Variants in RPA1 observed in about 807,000 individuals in gnomAD.
The protein encoded by RPA1 is replication protein A 70 kDa DNA-binding subunit.
In RPA1, 49 loss-of-function variants were observed where a neutral mutation model predicts 83.0. The ratio of observed to expected loss-of-function variants is 0.59; its 90% CI spans 0.47 to 0.75. The LOEUF (loss-of-function observed/expected upper bound fraction) is 0.75. Among genes scored for constraint, RPA1 ranks in the 30% least tolerant of loss-of-function variants. RPA1 has a pLI of 0.00. For synonymous variants in RPA1, 279 were observed against 281.8 expected (o/e 0.99, Z 0.10); for missense variants, 693 against 776.1 (o/e 0.89, Z 1.27).
rs1424957168 is a variant in RPA1 at position 1,884,888 on chromosome 17, ATCT to A, written c.1374+949_1374+951del. 2.6e-5 allele frequency among the ~76,000 whole-genome samples: 4 copies of A among 152,194 alleles called. No homozygotes were observed. The highest frequency in any genetic ancestry group is 4.8e-5 in the African/African-American group (2 of 41,450). ...AATGCTGACAATCATCTGAGTCGTAATCTTCTTGCTGGTGGGGGTTTGTTTCAG... is the reference window on the plus strand; with the variant it reads ...AATGCTGACAATCATCTGAGTCGTAATCTTGCTGGTGGGGGTTTGTTTCAG... On this transcript the variant is annotated intron_variant, in intron 13 of 16. Transcript: ENST00000254719. The surrounding 1 kb of genome is among the most constrained non-coding windows in gnomAD (Gnocchi z 4.1).
intron 1 of RPA1, among the ~76,000 whole-genome samples, chr17:1,838,558 G>A (rs1911911250): frequency 6.8e-6 from 1 of 147,674 alleles, no homozygotes; most frequent in Non-Finnish European, 1.5e-5. Context: ...AGCCAAGATC[G>A]CACCATTGCA....
intron 15 of RPA1, among the ~76,000 whole-genome samples, chr17:1,894,466 C>T (rs17339235): frequency 0.015 from 2,310 of 152,276 alleles, 68 homozygotes; most frequent in African/African-American, 0.052. Flanking sequence ...CGTGCCCAGC[C>T]TTAAAGTCTT....
intron 5 of RPA1, among the ~76,000 whole-genome samples, chr17:1,861,227 T>C (rs1912950699): frequency 6.6e-6 from 1 of 152,126 alleles, no homozygotes; most frequent in Non-Finnish European, 1.5e-5. Flanking sequence ...TGCTACTCTG[T>C]CCGGCCAGCT....
chr17:1,893,254 G>T (rs1348261256), intron 15 of RPA1, among the ~76,000 whole-genome samples: 2 of 152,178 alleles, frequency 1.3e-5, no homozygotes, highest in Non-Finnish European at 2.9e-5. Context: ...AGCCTTTCAG[G>T]ATTTTTATGA....
At chr17:1,871,790 C>A (rs1430189394) in intron 5 of RPA1, among the ~76,000 whole-genome samples, 1 of 151,996 alleles carries the variant, frequency 6.6e-6, no homozygotes, top group Non-Finnish European at 1.5e-5. Flanking sequence ...TTCCTGTTTC[C>A]TTGACACACC....
intron 13 of RPA1, among the ~76,000 whole-genome samples, chr17:1,886,017 C>T (rs538595038): frequency 1.3e-5 from 2 of 152,142 alleles, no homozygotes; most frequent in African/African-American, 4.8e-5. Context: ...TACTGTGTGT[C>T]TCCATTGAGC....
At chr17:1,892,680 G>A (rs1914249713) in intron 15 of RPA1, among the ~76,000 whole-genome samples, 1 of 152,188 alleles carries the variant, frequency 6.6e-6, no homozygotes, top group Non-Finnish European at 1.5e-5. Context: ...AAGTTCCTGG[G>A]TCTGTCCTAT....
At chr17:1,868,823 A>G (rs1205606433) in intron 5 of RPA1, among the ~76,000 whole-genome samples, 1 of 152,236 alleles carries the variant, frequency 6.6e-6, no homozygotes, top group Non-Finnish European at 1.5e-5. Context: ...CGTGCTTCAT[A>G]CTATATTGAA....
rs1286196667 is a variant in RPA1, at chr17:1,843,895, T to G, written c.85-25T>G. 3 of 1,608,500 alleles carry G rather than the reference T, an allele frequency of 1.9e-6. No homozygotes were observed. In the African/African-American group the frequency reaches 4.0e-5, roughly 22 times the overall value. On this transcript the variant is annotated intron_variant, in intron 2 of 16. Coordinates refer to ENST00000254719, the MANE Select transcript of RPA1 (RefSeq NM_002945.5). ...CTGGGGACGGGGCAGACAACCTGGC[T>G]AATGAATCAAGTTTTCTGTCCTAGA...
intron 10 of RPA1, 66 bp downstream of exon 10, chr17:1,879,473 T>C (rs965862045): frequency 1.2e-6 from 2 of 1,611,148 alleles, no homozygotes; most frequent in Admixed American, 1.7e-5. Flanking sequence ...CGGGGTGGTG[T>C]CAGGCTTCAG....
intron 5 of RPA1, among the ~76,000 whole-genome samples, chr17:1,860,214 G>C (rs1474070780): frequency 6.6e-6 from 1 of 152,112 alleles, no homozygotes; most frequent in Admixed American, 6.6e-5. Flanking sequence ...AAGTAGTTGG[G>C]ACTGCAGGCT....
At chr17:1,836,042 C>CAGTACTGCTA (rs1911806163) in intron 1 of RPA1, among the ~76,000 whole-genome samples, 1 of 152,154 alleles carries the variant, frequency 6.6e-6, no homozygotes, top group Admixed American at 6.6e-5. Flanking sequence ...TACTGTTCCC[C>CAGTACTGCTA]AGAATAACTG....
Position 1,854,939 on chromosome 17 carries a change from C to T in RPA1, c.361+1750C>T, listed in dbSNP as rs183983233. ...CTGGCTCGTTATCTTTGTCTTGTTC[C>T]TGATCTCAGGGAGAAAGCGTTCAGA... On this transcript the variant is annotated intron_variant, in intron 5 of 16. Transcript: ENST00000254719. Among the ~76,000 whole-genome samples, 125 of 152,246 alleles carry T rather than the reference C, an allele frequency of 8.2e-4. 1 individual carries two copies. The highest frequency in any genetic ancestry group is 1.1e-3 in the Non-Finnish European group (76 of 68,002).
At chr17:1,890,459 G>A (rs1015168252) in intron 14 of RPA1, among the ~76,000 whole-genome samples, 5 of 152,086 alleles carry the variant, frequency 3.3e-5, no homozygotes, top group Non-Finnish European at 5.9e-5. Context: ...TCAGGAGATC[G>A]AGATCATCTT....
chr17:1,846,652 T>C (rs1912270810), intron 4 of RPA1, among the ~76,000 whole-genome samples: 1 of 148,552 alleles, frequency 6.7e-6, no homozygotes, highest in African/African-American at 2.6e-5. Context: ...GTATGTGGTA[T>C]GCTTGTTCAG....
In RPA1 at chr17:1,877,093, A is replaced by C; in HGVS notation, c.588-119A>C. The C allele has an allele frequency of 3.4e-6, 3 of 888,220 alleles. No homozygotes were observed. The South Asian group carries it at 4.6e-5, about 14-fold the overall frequency. 55.0% of individuals were successfully genotyped at this position (888,220 alleles called of 1,614,324 possible). A position where few individuals can be genotyped will look rare whatever the true frequency, so the allele number is the denominator to read the frequency against. Reference sequence around the variant, plus strand: ...TCTTGGGGTTTTAATTAGCTGGATTAAAATACAGGTTGGAAAACGGAATAT... The same window carrying C: ...TCTTGGGGTTTTAATTAGCTGGATTCAAATACAGGTTGGAAAACGGAATAT... On this transcript the variant is annotated intron_variant, in intron 7 of 16. Transcript: ENST00000254719.
chr17:1,837,975 G>A (rs1234645134), intron 1 of RPA1, among the ~76,000 whole-genome samples: 3 of 151,980 alleles, frequency 2.0e-5, no homozygotes. Flanking sequence ...GTTTTTTGCA[G>A]AGTTGTGTTT....
chr17:1,884,996 G>T lies in RPA1; in HGVS notation c.1374+1052G>T, dbSNP rs1567825394. ...CAGTTTCTTAAAATAAGACAGCAGT[G>T]AAGTGTGCCACATTGGTTGACTCTT... On this transcript the variant is annotated intron_variant, in intron 13 of 16. Transcript: ENST00000254719. This position sits in a 1 kb window ranked among gnomAD's most constrained non-coding sequence, Gnocchi z 4.1. Among the ~76,000 whole-genome samples the T allele has an allele frequency of 6.6e-6, 1 of 152,192 alleles. No homozygotes were observed. The highest frequency in any genetic ancestry group is 1.5e-5 in the Non-Finnish European group (1 of 68,032).
In RPA1 at chr17:1,897,352, G is replaced by A. The variant is rs1043269622; in HGVS notation, c.*177G>A. On this transcript the variant is annotated 3_prime_UTR_variant, in exon 17 of 17. Transcript: ENST00000254719. ...CCCATCGGTAGGCAAAGGAAAATAC[G>A]CTCAGGTGGTTGTGGTGTAGACTGT... 53 of 578,670 alleles carry A rather than the reference G, an allele frequency of 9.2e-5. No individual in the cohort carries two copies. The highest frequency in any genetic ancestry group is 8.0e-4 in the African/African-American group (42 of 52,808). The allele number at this position is 578,670 out of a possible 1,614,324, so 35.8% of individuals were successfully genotyped here. A position where few individuals can be genotyped will look rare whatever the true frequency, so the allele number is the denominator to read the frequency against.
Sources: gnomAD v4.1 joint callset for allele counts (sites outside exome capture counted in the v4.1 genomes callset) on GRCh38, gnomAD v4.1.1 for gene constraint, Gnocchi (gnomAD v3.1) non-coding constraint, MANE v1.5 for transcripts, NCBI Gene and HGNC (gene_info 2026-07-23, HGNC 2026-07-21) for gene names.